The following OPALIN variants were observed in gnomAD, a reference collection of about 807,000 sequenced individuals.
OPALIN encodes the protein transmembrane protein 10.
In OPALIN, 15 loss-of-function variants were observed where a neutral mutation model predicts 17.8. The observed-to-expected ratio is 0.84, with a 90% CI of 0.56 to 1.29. The LOEUF (loss-of-function observed/expected upper bound fraction) is 1.29, where lower values mean the gene tolerates loss of function less well. Among genes scored for constraint, OPALIN ranks in the 50% most tolerant of loss-of-function variants. OPALIN has a pLI of 0.00. For missense variants in OPALIN, 170 were observed against 176.0 expected, an observed-to-expected ratio of 0.97 and a Z score of 0.19; for synonymous variants, 62 against 63.8, an observed-to-expected ratio of 0.97 and a Z score of 0.14.
chr10:96,353,156 C>A (rs968753392), intron 2 of OPALIN, among the ~76,000 whole-genome samples: 2 of 152,208 alleles, frequency 1.3e-5, no homozygotes, highest in African/African-American at 4.8e-5. Context: ...GGGATCCATG[C>A]TCTTAACCAC....
At chr10:96,347,508 T>C (rs1845385099) in intron 5 of OPALIN, among the ~76,000 whole-genome samples, 2 of 151,762 alleles carry the variant, frequency 1.3e-5, no homozygotes, top group African/African-American at 4.8e-5. Context: ...GTCTTGCTCT[T>C]GTCACCCGGC....
chr10:96,353,246 GACAAATAGACTGA>G (rs1845658550), intron 2 of OPALIN, among the ~76,000 whole-genome samples: 1 of 152,138 alleles, frequency 6.6e-6, no homozygotes, highest in African/African-American at 2.4e-5. Flanking sequence ...GGACTGAACT[GACAAATAGACTGA>G]ACCTGGCATT....
In OPALIN at chr10:96,349,821, A is replaced by G. The variant is rs1030151381; in HGVS notation, c.78T>C (p.Cys26=). Residue 26 remains cysteine (C), a synonymous_variant, in exon 4 of 6, where the codon TGT becomes TGC. Coordinates refer to ENST00000371172, the MANE Select transcript of OPALIN (RefSeq NM_033207.5). ...CCGCCGCTAATCCAAGAGAGGGCCC[A>G]CAGTCCTGGCACAGAATGAAAAACA... The part of the protein sequence containing the change: ...SPVTGGKETD[C]GPSLGLAAGI... 2 of 1,613,586 alleles carry G rather than the reference A, an allele frequency of 1.2e-6. No homozygotes were observed. Among genetic ancestry groups the G allele is most frequent in the Non-Finnish European group, 1.7e-6 (2 of 1,179,740 alleles).
intron 1 of OPALIN, chr10:96,357,273 T>G: frequency 2.3e-6 from 1 of 428,328 alleles, no homozygotes; most frequent in African/African-American, 2.1e-5. Context: ...CAGCAACAAG[T>G]GGGCCATTGC....
intron 1 of OPALIN, chr10:96,356,912 G>A (rs965061982): frequency 4.1e-6 from 4 of 985,250 alleles, no homozygotes; most frequent in Non-Finnish European, 3.6e-6. Context: ...ACCAGAACCT[G>A]AGTGTCCCGG....
intron 2 of OPALIN, among the ~76,000 whole-genome samples, chr10:96,351,714 C>T (rs866957990): frequency 1.3e-4 from 20 of 152,192 alleles, no homozygotes; most frequent in Admixed American, 5.9e-4. Flanking sequence ...GTCAGCACAC[C>T]TGGCACACTT....
rs61616596 is a variant in OPALIN at position 96,358,186 on chromosome 10, TAAAAAAAAAAAAAAAAAA to T, written c.3+690_3+707del. On this transcript the variant is annotated intron_variant, in intron 1 of 5. Transcript: ENST00000371172. ...CTACTCCTTTTAACAATGCTTTTTG[TAAAAAAAAAAAAAAAAAA>T]AAAAAAAAAAAATTCCACAAGAAAG... Among the ~76,000 whole-genome samples the T allele has an allele frequency of 8.1e-5, 5 of 61,590 alleles. No individual in the cohort carries two copies. The Admixed American group carries it at 1.4e-3, about 18-fold the overall frequency. The allele number at this position is 61,590 out of a possible 152,430, so 40.4% of individuals were successfully genotyped here.
intron 2 of OPALIN, 88 bp from the exon 3 acceptor site, chr10:96,351,498 TA>T (rs1213360018): frequency 3.3e-5 from 24 of 730,246 alleles, no homozygotes; most frequent in Non-Finnish European, 4.8e-5. Context: ...GTTTAGGCTA[TA>T]AAGCCTAAAG....
intron 5 of OPALIN, among the ~76,000 whole-genome samples, chr10:96,347,753 G>C (rs11813381): frequency 6.6e-6 from 1 of 152,178 alleles, no homozygotes; most frequent in African/African-American, 2.4e-5. Flanking sequence ...GATTACAGGC[G>C]TGAGCCACTG....
rs530879621 is a variant in OPALIN, at chr10:96,343,821, G to C, written c.*2120C>G. 1 of 152,372 alleles carries C rather than the reference G, an allele frequency of 6.6e-6. No individual in the cohort carries two copies. The highest frequency in any genetic ancestry group is 1.9e-4 in the East Asian group (1 of 5,178). The allele number at this position is 152,372 out of a possible 1,614,324, so 9.4% of individuals were successfully genotyped here. On this transcript the variant is annotated 3_prime_UTR_variant, in exon 6 of 6. Transcript: ENST00000371172. Reference sequence around the variant, plus strand: ...TTGGTTATTCAGGGAAGAGGGGCATGTTTCTGAGTAATCAGAAGCCCTGTG... The same window carrying C: ...TTGGTTATTCAGGGAAGAGGGGCATCTTTCTGAGTAATCAGAAGCCCTGTG...
chr10:96,349,962 G>T, intron 3 of OPALIN, 136 bp from the exon 4 acceptor site: 1 of 918,344 alleles, frequency 1.1e-6, no homozygotes, highest in Non-Finnish European at 1.6e-6. Flanking sequence ...AAAGGGTAAT[G>T]AAATACTGTG....
In OPALIN at chr10:96,350,828, A is replaced by T. The variant is rs1017559467; in HGVS notation, c.72+550T>A. ...TTTCAGATTTGCAGACTATCTGGAAATATTGAAGATAATCTGCAGAAACCC... is the reference window on the plus strand; with the variant it reads ...TTTCAGATTTGCAGACTATCTGGAATTATTGAAGATAATCTGCAGAAACCC... On this transcript the variant is annotated intron_variant, in intron 3 of 5. Transcript: ENST00000371172. Among the ~76,000 whole-genome samples the T allele has an allele frequency of 1.5e-3, 223 of 152,242 alleles. 1 individual carries two copies. The highest frequency in any genetic ancestry group is 3.7e-4 in the Non-Finnish European group (25 of 68,042).
chr10:96,356,119 G>A (rs1357838937), intron 1 of OPALIN, among the ~76,000 whole-genome samples: 1 of 152,130 alleles, frequency 6.6e-6, no homozygotes, highest in African/African-American at 2.4e-5. Context: ...CTTTCCCTGG[G>A]TGGAAGTGGT....
At chr10:96,349,156 T>C (rs1845462661) in intron 4 of OPALIN, among the ~76,000 whole-genome samples, 1 of 152,108 alleles carries the variant, frequency 6.6e-6, no homozygotes, top group Non-Finnish European at 1.5e-5. Flanking sequence ...CATGACACAG[T>C]TGTGTCACAA....
chr10:96,351,424 G>T lies in OPALIN; in HGVS notation c.40-14C>A, dbSNP rs564487935. ...AGGAGAGGACGTCTGTATGGAAAAA[G>T]AACATATATTGTAAAAGAACAAAAA... On this transcript the variant is annotated splice_polypyrimidine_tract_variant and intron_variant, in intron 2 of 5. Transcript: ENST00000371172. The T allele has an allele frequency of 1.3e-6, 2 of 1,518,352 alleles. No individual in the cohort carries two copies. Among genetic ancestry groups the T allele is most frequent in the South Asian group, 2.5e-5 (2 of 80,064 alleles). 94.1% of individuals were successfully genotyped at this position (1,518,352 alleles called of 1,614,324 possible).
rs111883171 is a variant in OPALIN at position 96,355,264 on chromosome 10, C to T, written c.30G>A (p.Pro10=). 299 of 1,613,810 alleles carry T rather than the reference C, an allele frequency of 1.9e-4. 3 individuals carry two copies. In the South Asian group the frequency reaches 2.6e-3, roughly 14 times the overall value. The change falls in exon 2 of 6, where the codon CCG becomes CCA. Residue 10 remains proline, a synonymous_variant. Coordinates refer to ENST00000371172, the MANE Select transcript of OPALIN (RefSeq NM_033207.5). ...GGGCTGCTGTACTTACTGTGTTCGC[C>T]GGCAGGGTGAAGTTCAGTGAAAAAC... The part of the protein sequence containing the change: MSFSLNFTL[P]ANTTSSPVTG...
At chr10:96,356,225 C>T (rs1385111435) in intron 1 of OPALIN, among the ~76,000 whole-genome samples, 1 of 152,186 alleles carries the variant, frequency 6.6e-6, no homozygotes. Flanking sequence ...GTCTCCCTGA[C>T]CCCCAGATAT....
chr10:96,349,253 T>C lies in OPALIN; in HGVS notation c.192+454A>G, dbSNP rs144312617. 5.5e-3 allele frequency among the ~76,000 whole-genome samples: 834 copies of C among 152,294 alleles called. 6 individuals carry two copies. Among genetic ancestry groups the C allele is most frequent in the African/African-American group, 0.018 (760 of 41,562 alleles). ...ACAGTCTGGCATTGGAGGGGTGGATTGGATGGGGAGGATATAGATTCCCTT... is the reference window on the plus strand; with the variant it reads ...ACAGTCTGGCATTGGAGGGGTGGATCGGATGGGGAGGATATAGATTCCCTT... On this transcript the variant is annotated intron_variant, in intron 4 of 5. Transcript: ENST00000371172.
In OPALIN at chr10:96,358,788, T is replaced by A. The variant is rs538894257; in HGVS notation, c.3+106A>T. ...TGGTATTTTGCATATAGGAAAATAA[T>A]TTAAAATAAAGTCCCTTTACTTCAT... On this transcript the variant is annotated intron_variant, in intron 1 of 5. Coordinates refer to ENST00000371172, the MANE Select transcript of OPALIN (RefSeq NM_033207.5). 5.1e-6 allele frequency: 6 copies of A among 1,181,894 alleles called. No individual in the cohort carries two copies. The African/African-American group carries it at 6.1e-5, about 12-fold the overall frequency. The allele number at this position is 1,181,894 out of a possible 1,614,324, so 73.2% of individuals were successfully genotyped here. A position where few individuals can be genotyped will look rare whatever the true frequency, so the allele number is the denominator to read the frequency against.
Sources: allele counts gnomAD v4.1 joint callset (sites outside exome capture counted in the v4.1 genomes callset), GRCh38; gene constraint gnomAD v4.1.1; transcripts MANE v1.5; gene names NCBI Gene and HGNC (gene_info 2026-07-23, HGNC 2026-07-21).